The following SLC25A28 variants were observed in gnomAD, a reference collection of about 807,000 sequenced individuals.
SLC25A28 encodes solute carrier family 25 member 28, also known as mitoferrin-2.
SLC25A28 carries 10 observed loss-of-function variants against 31.9 expected under a neutral mutation model. That is an observed-to-expected ratio of 0.31 (90% CI 0.19 to 0.53). The LOEUF is 0.53. SLC25A28 is among the 20% of genes least tolerant of loss of function. SLC25A28 has a pLI of 0.95. For synonymous variants in SLC25A28, 208 were observed against 203.6 expected, an observed-to-expected ratio of 1.02 and a Z score of -0.19; for missense variants, 256 against 490.3, an observed-to-expected ratio of 0.52 and a Z score of 4.51.
At chr10:99,619,416 G>A (rs1049085760) in intron 1 of SLC25A28, 1 of 985,310 alleles carries the variant, frequency 1.0e-6, no homozygotes, top group Non-Finnish European at 1.2e-6. Flanking sequence ...AAATAGGTGG[G>A]GTATCATGCT....
At chr10:99,629,499 T>C in the SLC25A28 span, among the ~76,000 whole-genome samples, 1 of 152,172 alleles carries the variant, frequency 6.6e-6, no homozygotes, top group African/African-American at 2.4e-5. Flanking sequence ...CTTTTCACAC[T>C]AGGCAAAAGG....
Position 99,620,330 on chromosome 10 carries a change from C to T in SLC25A28, c.6G>A (p.Glu2=), listed in dbSNP as rs1299696252. 6 of 1,104,252 alleles carry T rather than the reference C, an allele frequency of 5.4e-6. No homozygotes were observed. The highest frequency in any genetic ancestry group is 5.1e-5 in the African/African-American group (3 of 58,876). The allele number at this position is 1,104,252 out of a possible 1,614,324, so 68.4% of individuals were successfully genotyped here. The change falls in exon 1 of 4, where the codon GAG becomes GAA. Residue 2 remains glutamate, a synonymous_variant. Transcript: ENST00000370495. ...CACCGCCAGCACCCCGCCCCTCCAA[C>T]TCCATCCACCCGGGCCAGCTGCGGC... M[E]LEGRGAGGVA... is the part of the protein sequence containing the mutation.
At chr10:99,656,046 A>G in the SLC25A28 span, among the ~76,000 whole-genome samples, 1 of 152,116 alleles carries the variant, frequency 6.6e-6, no homozygotes, top group Admixed American at 6.5e-5. Flanking sequence ...GGAAGAAGGT[A>G]CTTCTGGAAT....
chr10:99,652,997 A>G, the SLC25A28 span, among the ~76,000 whole-genome samples: 1 of 152,176 alleles, frequency 6.6e-6, no homozygotes, highest in Non-Finnish European at 1.5e-5. Context: ...AAAATTGAAC[A>G]TTGATGATGT....
intron 1 of SLC25A28, chr10:99,617,890 T>C: frequency 1.6e-6 from 1 of 611,322 alleles, no homozygotes; most frequent in Non-Finnish European, 2.0e-6. Context: ...AATAGTTACC[T>C]TGGAAGGCTA....
intron 1 of SLC25A28, chr10:99,618,772 T>TC (rs2034715795): frequency 1.0e-6 from 1 of 985,234 alleles, no homozygotes; most frequent in Non-Finnish European, 1.2e-6. Context: ...TAATGAGCGC[T>TC]CCCCCCATTT....
chr10:99,612,609 A>C lies in SLC25A28; in HGVS notation c.521-10T>G. On this transcript the variant is annotated splice_polypyrimidine_tract_variant and intron_variant, in intron 2 of 3. Coordinates refer to ENST00000370495, the MANE Select transcript of SLC25A28 (RefSeq NM_031212.4). ...ACACACCCGGCCGCACCTGCAAACA[A>C]GAAAACAACTGCCACATGTAAGGCC... 6.2e-7 allele frequency: 1 copy of C among 1,614,176 alleles called. No individual in the cohort carries two copies. Among genetic ancestry groups the C allele is most frequent in the Non-Finnish European group, 8.5e-7 (1 of 1,180,042 alleles).
In SLC25A28 at chr10:99,610,963, C is replaced by T; in HGVS notation, c.981G>A (p.Gly327=). The T allele has an allele frequency of 1.2e-6, 2 of 1,614,180 alleles. No homozygotes were observed. The highest frequency in any genetic ancestry group is 1.7e-6 in the Non-Finnish European group (2 of 1,180,040). The change falls in exon 4 of 4, where the codon GGG becomes GGA. Residue 327 remains glycine (G), a synonymous_variant. Coordinates refer to ENST00000370495, the MANE Select transcript of SLC25A28 (RefSeq NM_031212.4). The part of the protein sequence containing the change: ...QVGGVTAYFR[G]VQARVIYQIP... ...TCTGGTAAATTACTCTGGCCTGCAC[C>T]CCTCGGAAATAGGCGGTCACCCCAC...
At chr10:99,631,874 T>C in the SLC25A28 span, among the ~76,000 whole-genome samples, 5 of 127,900 alleles carry the variant, frequency 3.9e-5, no homozygotes, top group African/African-American at 1.2e-4. Context: ...ACGCTCAGTA[T>C]GTTATTTTTT....
At chr10:99,620,838 G>GC, upstream of SLC25A28, 1 of 985,466 alleles carries the variant, frequency 1.0e-6, no homozygotes. Flanking sequence ...CCGACTTCGG[G>GC]CCCCTCACTA....
upstream of SLC25A28, among the ~76,000 whole-genome samples, chr10:99,625,133 T>A (rs1590004556): frequency 6.6e-6 from 1 of 151,902 alleles, no homozygotes; most frequent in Non-Finnish European, 1.5e-5. Flanking sequence ...ACTTCATGAT[T>A]GAAGCCGCAG....
upstream of SLC25A28, chr10:99,620,474 GC>G (rs1334278015): frequency 2.4e-5 from 25 of 1,045,496 alleles, no homozygotes; most frequent in African/African-American, 1.0e-4. Flanking sequence ...CCGCGGACAC[GC>G]CCCCCAAGCA....
At chr10:99,648,116 A>T in the SLC25A28 span, among the ~76,000 whole-genome samples, 2 of 151,676 alleles carry the variant, frequency 1.3e-5, no homozygotes, top group Non-Finnish European at 2.9e-5. Flanking sequence ...CTCATGCCTC[A>T]GCCTTGCAAA....
At chr10:99,623,328 G>A (rs550821249), upstream of SLC25A28, among the ~76,000 whole-genome samples, 6 of 152,268 alleles carry the variant, frequency 3.9e-5, no homozygotes, top group East Asian at 7.7e-4. Context: ...CTGACTCAGC[G>A]TGTCCATTCC....
chr10:99,630,133 T>C, the SLC25A28 span, among the ~76,000 whole-genome samples: 3 of 152,108 alleles, frequency 2.0e-5, no homozygotes, highest in African/African-American at 4.8e-5. Context: ...ATGCAAACTT[T>C]TTCTTTTCTC....
At chr10:99,654,601 A>G in the SLC25A28 span, among the ~76,000 whole-genome samples, 1 of 152,142 alleles carries the variant, frequency 6.6e-6, no homozygotes, top group Non-Finnish European at 1.5e-5. Context: ...GGTTGCAGTC[A>G]GCCGAGATTG....
the SLC25A28 span, among the ~76,000 whole-genome samples, chr10:99,657,681 C>T: frequency 5.9e-5 from 9 of 152,088 alleles, no homozygotes; most frequent in African/African-American, 2.2e-4. Context: ...AGCAACCAGC[C>T]GAGAATAATC....
the SLC25A28 span, among the ~76,000 whole-genome samples, chr10:99,653,114 C>A: frequency 3.9e-5 from 6 of 152,138 alleles, no homozygotes; most frequent in South Asian, 4.1e-4. Flanking sequence ...AAAGGTGGAG[C>A]CGAATTCCCC....
chr10:99,626,304 C>T, the SLC25A28 span, among the ~76,000 whole-genome samples: 5 of 152,270 alleles, frequency 3.3e-5, no homozygotes, highest in Admixed American at 3.3e-4. Context: ...ATGGGGTAAG[C>T]AGTGAGGACT....
Sources: allele counts gnomAD v4.1 joint callset (sites outside exome capture counted in the v4.1 genomes callset), GRCh38; gene constraint gnomAD v4.1.1; transcripts MANE v1.5; gene names NCBI Gene and HGNC (gene_info 2026-07-23, HGNC 2026-07-21).